OPRM1: variants seen among roughly 807,000 people sequenced by gnomAD.
The protein encoded by OPRM1 is opioid receptor mu 1, also known as mu-type opioid receptor.
Under a neutral mutation model 31.8 loss-of-function variants are expected in OPRM1, and 27 were observed. That is an observed-to-expected ratio of 0.85 (90% CI 0.63 to 1.17). OPRM1 has a LOEUF of 1.17. OPRM1 is among the 50% of genes most tolerant of loss of function. The probability of loss-of-function intolerance (pLI) is 0.00; values close to 1 mark genes in which losing one functional copy is unlikely to be tolerated. For missense variants in OPRM1, 536 were observed against 511.1 expected, an observed-to-expected ratio of 1.05 and a Z score of -0.47; for synonymous variants, 196 against 189.9, an observed-to-expected ratio of 1.03 and a Z score of -0.26.
chr6:154,241,444 G>A (rs1294280028), intron 3 of OPRM1, among the ~76,000 whole-genome samples: 1 of 151,910 alleles, frequency 6.6e-6, no homozygotes, highest in African/African-American at 2.4e-5. Flanking sequence ...AAAAGTAAGC[G>A]ACGGTGAATC....
chr6:154,145,980 G>T (rs187115820), intron 3 of OPRM1, among the ~76,000 whole-genome samples: 148 of 152,344 alleles, frequency 9.7e-4, no homozygotes, highest in Non-Finnish European at 1.6e-3. Flanking sequence ...CCCTCACACT[G>T]TATTCAAAAA....
At chr6:154,065,332 T>A (rs912591596) in intron 1 of OPRM1, among the ~76,000 whole-genome samples, 1 of 151,886 alleles carries the variant, frequency 6.6e-6, no homozygotes, top group African/African-American at 2.4e-5. Context: ...GTATTTTTAG[T>A]AGAGTTGGGG....
At chr6:154,221,904 C>A (rs1226192498) in intron 3 of OPRM1, among the ~76,000 whole-genome samples, 5 of 152,036 alleles carry the variant, frequency 3.3e-5, no homozygotes, top group Non-Finnish European at 7.4e-5. Context: ...AAAAATAAAA[C>A]ATATAGGTAT....
intron 1 of OPRM1, among the ~76,000 whole-genome samples, chr6:154,053,587 A>C (rs1782619580): frequency 6.6e-6 from 1 of 152,234 alleles, no homozygotes. Context: ...AAGGATGCTT[A>C]TAATCCCTTG....
rs1244596941 is a variant in OPRM1, at chr6:154,127,040, C to T, written c.*8319C>T. Among the ~76,000 whole-genome samples the T allele has an allele frequency of 1.3e-5, 2 of 149,912 alleles. No homozygotes were observed. Among genetic ancestry groups the T allele is most frequent in the Non-Finnish European group, 3.0e-5 (2 of 67,782 alleles). On this transcript the variant is annotated 3_prime_UTR_variant, in exon 4 of 4. Coordinates refer to ENST00000330432, the MANE Select transcript of OPRM1 (RefSeq NM_000914.5). ...AGGAGAATTGCTTGAACTGGGGAGG[C>T]GGAAGTTGCAGTGAGCCAAGATCGC...
intron 3 of OPRM1, chr6:154,094,352 C>T (rs1792977335): frequency 1.8e-6 from 1 of 549,372 alleles, no homozygotes. Context: ...AATTCTGTGC[C>T]CAAAATAAGC....
At chr6:154,233,372 A>G (rs1004460122) in intron 3 of OPRM1, among the ~76,000 whole-genome samples, 12 of 152,194 alleles carry the variant, frequency 7.9e-5, no homozygotes, top group African/African-American at 2.9e-4. Flanking sequence ...GAATAATAAT[A>G]CTAGTAAACT....
chr6:154,030,237 G>A (rs1388495828), intron 1 of OPRM1, among the ~76,000 whole-genome samples: 2 of 151,922 alleles, frequency 1.3e-5, no homozygotes, highest in Non-Finnish European at 2.9e-5. Context: ...ATATTAATAC[G>A]TTTATGAAGA....
At chr6:154,212,285 T>C (rs956607908) in intron 3 of OPRM1, among the ~76,000 whole-genome samples, 8 of 152,330 alleles carry the variant, frequency 5.3e-5, no homozygotes, top group Admixed American at 1.3e-4. Flanking sequence ...CTCTAGTGAA[T>C]ACACAAATCG....
chr6:154,084,979 TC>T lies in OPRM1; in HGVS notation c.291-4845del, dbSNP rs563675230. Among the ~76,000 whole-genome samples the T allele has an allele frequency of 1.1e-3, 169 of 151,468 alleles. 1 individual carries two copies. The highest frequency in any genetic ancestry group is 6.8e-3 in the Middle Eastern group (2 of 294). ...GCTGGATTCTAAAATGTGTCCTTCC[TC>T]CTCTCACTCTCTTGATCAGTTTTAT... On this transcript the variant is annotated intron_variant, in intron 1 of 3. Coordinates refer to ENST00000330432, the MANE Select transcript of OPRM1 (RefSeq NM_000914.5).
chr6:154,037,403 A>C (rs1173145537), upstream of OPRM1, among the ~76,000 whole-genome samples: 1 of 151,554 alleles, frequency 6.6e-6, no homozygotes, highest in Non-Finnish European at 1.5e-5. Flanking sequence ...AGAAAGACAA[A>C]GTTTATAATC....
intron 3 of OPRM1, among the ~76,000 whole-genome samples, chr6:154,171,600 T>C (rs904531987): frequency 1.3e-5 from 2 of 152,348 alleles, no homozygotes; most frequent in East Asian, 3.9e-4. Context: ...CTGTACACTT[T>C]CATGTGTGAA....
At chr6:154,222,604 A>G (rs529692679) in intron 3 of OPRM1, among the ~76,000 whole-genome samples, 14 of 152,338 alleles carry the variant, frequency 9.2e-5, no homozygotes, top group Admixed American at 6.5e-5. Context: ...GCAGGTCACA[A>G]ACTCTTTGGG....
chr6:154,062,207 G>A (rs1049436539), intron 1 of OPRM1, among the ~76,000 whole-genome samples: 1 of 152,012 alleles, frequency 6.6e-6, no homozygotes, highest in Non-Finnish European at 1.5e-5. Flanking sequence ...CAAGTAAAAA[G>A]GGAGAACATT....
Position 154,166,857 on chromosome 6 carries a change from A to T in OPRM1, c.1164+75385A>T, listed in dbSNP as rs867707335. Among the ~76,000 whole-genome samples, 19 of 152,352 alleles carry T rather than the reference A, an allele frequency of 1.2e-4. No individual in the cohort carries two copies. In the South Asian group the frequency reaches 3.9e-3, roughly 32 times the overall value. Reference sequence around the variant, plus strand: ...TCATCAGCTTCGTACATACTGTGAAATGGCGGCCAGTGATATCTTTTATTA... The same window carrying T: ...TCATCAGCTTCGTACATACTGTGAATTGGCGGCCAGTGATATCTTTTATTA... On this transcript the variant is annotated intron_variant, in intron 3 of 3. Coordinates refer to the OPRM1 transcript ENST00000337049.
chr6:154,030,258 C>G (rs1012272041), intron 1 of OPRM1, among the ~76,000 whole-genome samples: 3 of 152,054 alleles, frequency 2.0e-5, no homozygotes, highest in Non-Finnish European at 4.4e-5. Context: ...AGGGTAAATC[C>G]TGGTTTTTGC....
At chr6:154,145,727 C>T (rs899847129) in intron 3 of OPRM1, among the ~76,000 whole-genome samples, 8 of 152,150 alleles carry the variant, frequency 5.3e-5, no homozygotes, top group Non-Finnish European at 1.2e-4. Flanking sequence ...TGCCCTATTT[C>T]GATACTTATG....
intron 1 of OPRM1, among the ~76,000 whole-genome samples, chr6:154,043,076 T>C (rs1198954610): frequency 6.6e-6 from 1 of 152,198 alleles, no homozygotes; most frequent in Non-Finnish European, 1.5e-5. Context: ...AAATTCTTTT[T>C]CCAAGGTTTG....
chr6:154,131,601 C>G lies in OPRM1; in HGVS notation c.*12880C>G, dbSNP rs1257301874. ...ATTTACAGTAGTCCAGACACCTAAA[C>G]AGGACATAGAAATGTCAACTGGTCA... On this transcript the variant is annotated 3_prime_UTR_variant, in exon 4 of 4. Transcript: ENST00000330432. Among the ~76,000 whole-genome samples the G allele has an allele frequency of 1.3e-5, 2 of 152,296 alleles. No individual in the cohort carries two copies. Among genetic ancestry groups the G allele is most frequent in the East Asian group, 3.9e-4 (2 of 5,188 alleles).
Sources: allele counts gnomAD v4.1 joint callset (sites outside exome capture counted in the v4.1 genomes callset), GRCh38; gene constraint gnomAD v4.1.1; transcripts MANE v1.5; gene names NCBI Gene and HGNC (gene_info 2026-07-23, HGNC 2026-07-21).